MCF2L2: variants seen among roughly 807,000 people sequenced by gnomAD.
MCF2L2 encodes the protein MCF.2 cell line derived transforming sequence-like 2, also known as probable guanine nucleotide exchange factor MCF2L2.
MCF2L2 carries 102 observed loss-of-function variants against 150.2 expected under a neutral mutation model. The observed-to-expected ratio is 0.68, with a 90% CI of 0.58 to 0.80. The LOEUF (loss-of-function observed/expected upper bound fraction) is 0.80, where lower values mean the gene tolerates loss of function less well. MCF2L2 is among the 30% of genes least tolerant of loss of function. The probability of loss-of-function intolerance (pLI) is 0.00; values close to 1 mark genes in which losing one functional copy is unlikely to be tolerated. For synonymous variants in MCF2L2, 465 were observed against 491.3 expected (o/e 0.95, Z 0.71); for missense variants, 1,256 against 1,372.8 (o/e 0.91, Z 1.34).
At chr3:183,412,437 G>A (rs1398075925) in intron 1 of MCF2L2, among the ~76,000 whole-genome samples, 3 of 152,098 alleles carry the variant, frequency 2.0e-5, no homozygotes, top group Non-Finnish European at 4.4e-5. Context: ...TGGGATTACA[G>A]GCACCTGCCA....
At chr3:183,299,862 A>T (rs1289119535) in intron 11 of MCF2L2, 143 bp downstream of exon 11, 6 of 867,584 alleles carry the variant, frequency 6.9e-6, no homozygotes, top group African/African-American at 3.4e-5. Flanking sequence ...GGATCTGCAC[A>T]GTTTTTAATG....
intron 15 of MCF2L2, among the ~76,000 whole-genome samples, chr3:183,233,606 C>T (rs1025596832): frequency 2.0e-5 from 3 of 151,924 alleles, no homozygotes; most frequent in African/African-American, 4.8e-5. Context: ...TAGAAATATA[C>T]GTAAAACTGT....
intron 18 of MCF2L2, chr3:183,225,763 C>T (rs1027172079): frequency 3.3e-5 from 5 of 152,168 alleles, no homozygotes; most frequent in Admixed American, 1.3e-4. Context: ...CACAAATGCC[C>T]AATGGATAGA....
At chr3:183,212,123 A>G (rs1236149664) in intron 22 of MCF2L2, among the ~76,000 whole-genome samples, 1 of 152,234 alleles carries the variant, frequency 6.6e-6, no homozygotes. Flanking sequence ...GAACTCCAAG[A>G]ATTGCCGGCA....
rs191021820 is a variant in MCF2L2 at position 183,341,494 on chromosome 3, C to A, written c.366+46G>T. ...CTTTGATATGAAATAGTTGAACAGA[C>A]AATTTAAATGACTTTTATAATAAAA... is the stretch of plus-strand genomic sequence containing the variant. On this transcript the variant is annotated intron_variant, in intron 4 of 29. Coordinates refer to ENST00000328913, the MANE Select transcript of MCF2L2 (RefSeq NM_015078.4). 2.8e-6 allele frequency: 4 copies of A among 1,425,026 alleles called. No individual in the cohort carries two copies. In the Admixed American group the frequency reaches 5.1e-5, roughly 18 times the overall value. The allele number at this position is 1,425,026 out of a possible 1,614,324, so 88.3% of individuals were successfully genotyped here.
intron 11 of MCF2L2, 25 bp from the exon 12 acceptor site, chr3:183,297,192 T>A: frequency 6.2e-7 from 1 of 1,605,094 alleles, no homozygotes; most frequent in Non-Finnish European, 8.5e-7. Context: ...CAGTGCCCTG[T>A]GCACTTCGCC....
chr3:183,379,384 A>G lies in MCF2L2; in HGVS notation c.188T>C (p.Ile63Thr), dbSNP rs769824895. ...SGGRGEDGAP[I>T]ITFPEFSGFK... is the part of the protein sequence containing the mutation. ...CCCCGAAAACTCTGGGAACGTGATG[A>G]TGGGGGCGCCATCCTCCCCTCGGCC... The change falls in exon 3 of 30, where the codon ATC becomes ACC. Residue 63 changes from isoleucine to threonine, a missense_variant. By Grantham distance (89) the Ile-to-Thr change is moderately conservative. Transcript: ENST00000328913. The G allele has an allele frequency of 6.2e-7, 1 of 1,610,526 alleles. No homozygotes were observed. The highest frequency in any genetic ancestry group is 1.1e-5 in the South Asian group (1 of 90,308).
At chr3:183,326,208 G>A (rs1336952663) in intron 5 of MCF2L2, among the ~76,000 whole-genome samples, 1 of 152,016 alleles carries the variant, frequency 6.6e-6, no homozygotes, top group Non-Finnish European at 1.5e-5. Flanking sequence ...ATCCTGTGAA[G>A]AGGCTGGGCG....
chr3:183,420,635 T>C (rs1035053445), intron 1 of MCF2L2, among the ~76,000 whole-genome samples: 1 of 152,040 alleles, frequency 6.6e-6, no homozygotes, highest in Non-Finnish European at 1.5e-5. Flanking sequence ...AATGGGGTAA[T>C]TTATAAAGGA....
intron 1 of MCF2L2, among the ~76,000 whole-genome samples, chr3:183,412,108 A>C (rs1471849421): frequency 6.6e-6 from 1 of 152,216 alleles, no homozygotes; most frequent in Non-Finnish European, 1.5e-5. Flanking sequence ...GATAAACTAC[A>C]AAATCATAAG....
At chr3:183,402,170 A>G (rs6796755) in intron 1 of MCF2L2, among the ~76,000 whole-genome samples, 66,863 of 151,602 alleles carry the variant, frequency 0.44, 15,503 homozygotes, top group African/African-American at 0.6. Flanking sequence ...TAGGCCGGGC[A>G]CGGTGGCTCA....
chr3:183,417,420 T>A (rs1043086810), intron 1 of MCF2L2, among the ~76,000 whole-genome samples: 9 of 152,190 alleles, frequency 5.9e-5, no homozygotes, highest in Admixed American at 3.9e-4. Context: ...CATTGTAAGC[T>A]GGGGACCATT....
intron 21 of MCF2L2, among the ~76,000 whole-genome samples, chr3:183,216,927 T>C (rs1267694725): frequency 6.6e-6 from 1 of 151,516 alleles, no homozygotes; most frequent in Non-Finnish European, 1.5e-5. Flanking sequence ...TTTTAAAGCA[T>C]GGAAAAACCT....
At chr3:183,363,554 G>A (rs981159917) in intron 3 of MCF2L2, among the ~76,000 whole-genome samples, 8 of 150,870 alleles carry the variant, frequency 5.3e-5, no homozygotes, top group Non-Finnish European at 1.0e-4. Context: ...GACCAGCGTG[G>A]GCAACATAGG....
chr3:183,198,973 G>GT (rs1175992688), intron 25 of MCF2L2, among the ~76,000 whole-genome samples: 3 of 152,000 alleles, frequency 2.0e-5, no homozygotes, highest in Non-Finnish European at 4.4e-5. Context: ...GTAAACCATA[G>GT]TTTTTTTCCC....
At chr3:183,375,770 C>A (rs1713157596) in intron 3 of MCF2L2, 1 of 152,192 alleles carries the variant, frequency 6.6e-6, no homozygotes. Flanking sequence ...ATCCACGAGC[C>A]CTCTGCCACC....
chr3:183,340,870 G>C (rs1337243737), intron 4 of MCF2L2, among the ~76,000 whole-genome samples: 1 of 152,214 alleles, frequency 6.6e-6, no homozygotes, highest in African/African-American at 2.4e-5. Context: ...TCGAACCCGG[G>C]AGGCAGAGGT....
intron 15 of MCF2L2, chr3:183,273,067 G>T (rs183438032): frequency 1.4e-6 from 2 of 1,469,464 alleles, no homozygotes; most frequent in Admixed American, 2.5e-5. Flanking sequence ...AAGAGTATCT[G>T]TAAATAAAAG....
intron 1 of MCF2L2, among the ~76,000 whole-genome samples, chr3:183,416,621 A>C (rs563066774): frequency 1.3e-5 from 2 of 152,320 alleles, no homozygotes; most frequent in East Asian, 3.9e-4. Context: ...ATGATTTTTC[A>C]ACTTTATAAT....
Sources: gnomAD v4.1 joint callset for allele counts (sites outside exome capture counted in the v4.1 genomes callset) on GRCh38, gnomAD v4.1.1 for gene constraint, MANE v1.5 for transcripts, NCBI Gene and HGNC (gene_info 2026-07-23, HGNC 2026-07-21) for gene names.